ANKS1B: variants seen among roughly 807,000 people sequenced by gnomAD.
ANKS1B encodes ankyrin repeat and sterile alpha motif domain-containing protein 1B.
In ANKS1B, 36 loss-of-function variants were observed where a neutral mutation model predicts 148.3. That is an observed-to-expected ratio of 0.24 (90% CI 0.19 to 0.32). The LOEUF (loss-of-function observed/expected upper bound fraction) is 0.32, where lower values mean the gene tolerates loss of function less well. Ranked by LOEUF, ANKS1B falls within the 10% of genes least tolerant of loss-of-function variation. The probability of loss-of-function intolerance (pLI) is 1.00; values close to 1 mark genes in which losing one functional copy is unlikely to be tolerated. For synonymous variants in ANKS1B, 542 were observed against 560.8 expected, an observed-to-expected ratio of 0.97 and a Z score of 0.47; for missense variants, 1,157 against 1,542.6, an observed-to-expected ratio of 0.75 and a Z score of 4.19.
chr12:99,533,796 C>G (rs2097029659), intron 9 of ANKS1B, among the ~76,000 whole-genome samples: 1 of 152,210 alleles, frequency 6.6e-6, no homozygotes, highest in African/African-American at 2.4e-5. Flanking sequence ...TTATGCTTCA[C>G]AGAAATCCAT....
At chr12:99,892,893 A>G (rs1009864619) in intron 1 of ANKS1B, among the ~76,000 whole-genome samples, 4 of 152,212 alleles carry the variant, frequency 2.6e-5, no homozygotes, top group African/African-American at 9.7e-5. Flanking sequence ...CAGCTCCCAG[A>G]ATGCTTATAG....
chr12:99,487,090 C>T (rs2096500083), intron 10 of ANKS1B, among the ~76,000 whole-genome samples: 1 of 152,184 alleles, frequency 6.6e-6, no homozygotes, highest in Admixed American at 6.5e-5. Context: ...AGCACTGGAA[C>T]TGTGCTTCTG....
intron 1 of ANKS1B, among the ~76,000 whole-genome samples, chr12:99,832,943 AAATT>A (rs2084267365): frequency 2.0e-5 from 3 of 152,218 alleles, no homozygotes; most frequent in Admixed American, 2.0e-4. Flanking sequence ...TGAAAAACGT[AAATT>A]GCAGAATATT....
At chr12:99,830,287 C>A (rs1193803590) in intron 1 of ANKS1B, among the ~76,000 whole-genome samples, 1 of 152,082 alleles carries the variant, frequency 6.6e-6, no homozygotes, top group East Asian at 1.9e-4. Flanking sequence ...GCACAGAAAA[C>A]ACCTAATAAT....
intron 10 of ANKS1B, among the ~76,000 whole-genome samples, chr12:99,483,538 T>C (rs1244362732): frequency 6.6e-6 from 1 of 152,068 alleles, no homozygotes; most frequent in Non-Finnish European, 1.5e-5. Flanking sequence ...GATTCCCTCT[T>C]TCTTAACCTT....
chr12:99,777,989 G>A (rs2063841714), intron 6 of ANKS1B, among the ~76,000 whole-genome samples: 2 of 151,170 alleles, frequency 1.3e-5, no homozygotes, highest in Admixed American at 1.3e-4. Flanking sequence ...ACAAAGTCAG[G>A]AGATCAAGAC....
intron 17 of ANKS1B, among the ~76,000 whole-genome samples, chr12:99,044,441 T>G (rs1256145903): frequency 6.6e-6 from 1 of 150,754 alleles, no homozygotes; most frequent in Non-Finnish European, 1.5e-5. Context: ...GAGTAAGCCA[T>G]GAGGGTTTGG....
At chr12:99,112,915 T>C (rs2060590978) in intron 15 of ANKS1B, among the ~76,000 whole-genome samples, 1 of 152,178 alleles carries the variant, frequency 6.6e-6, no homozygotes, top group Admixed American at 6.5e-5. Context: ...TTGCTACAGA[T>C]AATGGGTTAC....
intron 8 of ANKS1B, among the ~76,000 whole-genome samples, chr12:99,679,094 C>G (rs956126286): frequency 6.6e-6 from 1 of 151,980 alleles, no homozygotes; most frequent in Non-Finnish European, 1.5e-5. Flanking sequence ...GTGAAGAAAA[C>G]AGAATAAAAA....
intron 12 of ANKS1B, among the ~76,000 whole-genome samples, chr12:99,334,185 G>C (rs543113683): frequency 6.0e-5 from 9 of 150,372 alleles, no homozygotes; most frequent in Admixed American, 1.3e-4. Flanking sequence ...CAGACAGATA[G>C]ATAGATACAT....
At chr12:99,121,212 G>C (rs2062725601) in intron 15 of ANKS1B, among the ~76,000 whole-genome samples, 2 of 151,840 alleles carry the variant, frequency 1.3e-5, no homozygotes, top group Admixed American at 1.3e-4. Context: ...ATGGACATTA[G>C]AGAGAAAAGA....
At chr12:98,826,496 T>A (rs139561842) in intron 19 of ANKS1B, among the ~76,000 whole-genome samples, 5 of 152,156 alleles carry the variant, frequency 3.3e-5, no homozygotes, top group Admixed American at 6.5e-5. Flanking sequence ...TAATGAATTA[T>A]TGCGGCCACC....
chr12:99,429,530 C>T (rs1249447257), intron 11 of ANKS1B, among the ~76,000 whole-genome samples: 1 of 152,186 alleles, frequency 6.6e-6, no homozygotes, highest in African/African-American at 2.4e-5. Flanking sequence ...AAACTAGATA[C>T]TTTTACCATA....
chr12:99,645,692 C>T (rs1446409380), intron 9 of ANKS1B, among the ~76,000 whole-genome samples: 1 of 152,090 alleles, frequency 6.6e-6, no homozygotes, highest in African/African-American at 2.4e-5. Flanking sequence ...ATCTCAAGTT[C>T]AGGTAGTTTT....
intron 12 of ANKS1B, among the ~76,000 whole-genome samples, chr12:99,315,474 A>G (rs1204126660): frequency 6.6e-6 from 1 of 152,136 alleles, no homozygotes; most frequent in Non-Finnish European, 1.5e-5. Context: ...GCTCAACATC[A>G]CTGATCATTA....
intron 17 of ANKS1B, chr12:98,894,827 G>A: frequency 2.0e-6 from 2 of 982,522 alleles, no homozygotes; most frequent in Non-Finnish European, 2.4e-6. Context: ...GCGGAGCTTG[G>A]CCGCGCCGCG....
At chr12:98,994,963 T>G (rs2099928670) in intron 17 of ANKS1B, among the ~76,000 whole-genome samples, 2 of 152,176 alleles carry the variant, frequency 1.3e-5, no homozygotes, top group South Asian at 4.1e-4. Flanking sequence ...CTTGTGTAAA[T>G]TGTGAAGAAA....
chr12:99,545,688 TATC>T (rs2097166227), intron 9 of ANKS1B, among the ~76,000 whole-genome samples: 1 of 151,534 alleles, frequency 6.6e-6, no homozygotes, highest in South Asian at 2.1e-4. Flanking sequence ...GTAAAGAATT[TATC>T]ATCATAAGAT....
intron 17 of ANKS1B, among the ~76,000 whole-genome samples, chr12:98,994,626 G>C (rs1725719454): frequency 6.6e-6 from 1 of 152,136 alleles, no homozygotes; most frequent in Admixed American, 6.6e-5. Flanking sequence ...AGTGATAGAA[G>C]TTTCTTTTCT....
Sources: gnomAD v4.1 joint callset for allele counts (sites outside exome capture counted in the v4.1 genomes callset) on GRCh38, gnomAD v4.1.1 for gene constraint, MANE v1.5 for transcripts, NCBI Gene and HGNC (gene_info 2026-07-23, HGNC 2026-07-21) for gene names.